The following SLC36A2 variants were observed in gnomAD, a reference collection of about 807,000 sequenced individuals.
The protein encoded by SLC36A2 is proton-coupled amino acid transporter 2.
SLC36A2 carries 39 observed loss-of-function variants against 42.7 expected under a neutral mutation model. That is an observed-to-expected ratio of 0.91 (90% confidence interval 0.71 to 1.19). SLC36A2 has a LOEUF of 1.19. Ranked by LOEUF, SLC36A2 falls within the 50% of genes most tolerant of loss-of-function variation. The pLI is 0.00. For missense variants in SLC36A2, 590 were observed against 613.7 expected, an observed-to-expected ratio of 0.96 and a Z score of 0.41; for synonymous variants, 237 against 240.8, an observed-to-expected ratio of 0.98 and a Z score of 0.15.
rs776374701 is a variant in SLC36A2 at position 151,342,880 on chromosome 5, C to G, written c.440+8G>C. On this transcript the variant is annotated splice_region_variant and intron_variant, in intron 4 of 9. Transcript: ENST00000335244. Reference sequence around the variant, plus strand: ...TACCCCACTGCAGGCAAAGCAAGAACAGGTTACCTTCCCCAGTGAGCGTGA... The same window carrying G: ...TACCCCACTGCAGGCAAAGCAAGAAGAGGTTACCTTCCCCAGTGAGCGTGA... The G allele has an allele frequency of 2.0e-5, 33 of 1,613,430 alleles. No individual in the cohort carries two copies. Among genetic ancestry groups the G allele is most frequent in the Middle Eastern group, 1.6e-4 (1 of 6,084 alleles).
intron 7 of SLC36A2, 81 bp from the exon 8 acceptor site, chr5:151,325,533 C>A: frequency 7.1e-7 from 1 of 1,406,064 alleles, no homozygotes; most frequent in Admixed American, 1.8e-5. Flanking sequence ...TGGATGTCTA[C>A]CCCAAAGAAC....
At chr5:151,336,136 G>T (rs182470924) in intron 5 of SLC36A2, among the ~76,000 whole-genome samples, 1 of 152,132 alleles carries the variant, frequency 6.6e-6, no homozygotes, top group South Asian at 2.1e-4. Context: ...TTTGATTTTG[G>T]TGAGTTCTTT....
At chr5:151,325,042 C>T in intron 8 of SLC36A2, 4 of 549,326 alleles carry the variant, frequency 7.3e-6, no homozygotes, top group Non-Finnish European at 9.9e-6. Context: ...CTTGTGTCCT[C>T]TCTTCTTAAG....
intron 8 of SLC36A2, among the ~76,000 whole-genome samples, 184 bp from the exon 9 acceptor site, chr5:151,322,399 C>A (rs1033040272): frequency 6.6e-6 from 1 of 152,138 alleles, no homozygotes; most frequent in Admixed American, 6.5e-5. Context: ...GAAAATAGTG[C>A]GGTTCTGGAT....
At chr5:151,330,390 G>C (rs540133899) in intron 7 of SLC36A2, among the ~76,000 whole-genome samples, 4 of 152,182 alleles carry the variant, frequency 2.6e-5, no homozygotes, top group African/African-American at 9.6e-5. Flanking sequence ...AAAAAGAAAG[G>C]AAGTCATATT....
rs1024475431 is a variant in SLC36A2 at position 151,333,297 on chromosome 5, G to T, written c.770C>A (p.Pro257Gln). The T allele has an allele frequency of 6.2e-7, 1 of 1,614,052 alleles. No individual in the cohort carries two copies. Among genetic ancestry groups the T allele is most frequent in the Non-Finnish European group, 8.5e-7 (1 of 1,179,948 alleles). The change falls in exon 7 of 10, where the codon CCA (proline) becomes CAA (glutamine). Residue 257 changes from proline (P) to glutamine (Q), a missense_variant. Coordinates refer to ENST00000335244, the MANE Select transcript of SLC36A2 (RefSeq NM_181776.3). Reference sequence around the variant, plus strand: ...GTAGGTCTTCCAGCTTGCTACCAGTGGCAACCGGCTGGGGTCTGGGATTTC... The same window carrying T: ...GTAGGTCTTCCAGCTTGCTACCAGTTGCAACCGGCTGGGGTCTGGGATTTC... Reference protein sequence around the residue: ...TQEIPDPSRLPLVASWKTYPL... With the variant: ...TQEIPDPSRLQLVASWKTYPL...
chr5:151,340,197 AGG>A (rs1364109510), intron 4 of SLC36A2, among the ~76,000 whole-genome samples: 1 of 110,594 alleles, frequency 9.0e-6, no homozygotes, highest in African/African-American at 3.5e-5. Context: ...GAGGTGGAGG[AGG>A]AGGAGAGGAG....
chr5:151,331,816 T>A (rs1424602207), intron 7 of SLC36A2, among the ~76,000 whole-genome samples: 1 of 151,896 alleles, frequency 6.6e-6, no homozygotes, highest in Non-Finnish European at 1.5e-5. Flanking sequence ...GGCAGGTGGA[T>A]CACTTGAGCC....
At chr5:151,333,656 G>T (rs1756061564) in intron 6 of SLC36A2, among the ~76,000 whole-genome samples, 2 of 152,180 alleles carry the variant, frequency 1.3e-5, no homozygotes, top group South Asian at 4.1e-4. Context: ...GAGGTCAGGA[G>T]TTCGAGACCA....
intron 4 of SLC36A2, among the ~76,000 whole-genome samples, chr5:151,342,158 TAG>T (rs1756365511): frequency 6.6e-6 from 1 of 152,278 alleles, no homozygotes; most frequent in Admixed American, 6.5e-5. Context: ...AAAGAACAAA[TAG>T]AGTCTTCGTT....
rs1403728619 is a variant in SLC36A2, at chr5:151,315,347, G to A, written c.*1470C>T. 2.7e-4 allele frequency: 41 copies of A among 152,450 alleles called. No individual in the cohort carries two copies. The highest frequency in any genetic ancestry group is 2.6e-3 in the Admixed American group (40 of 15,284). The allele number at this position is 152,450 out of a possible 1,614,324, so 9.4% of individuals were successfully genotyped here. ...GCCAAGATCAAATTTAAAGGGGAGA[G>A]GCTGGGCGTGGTGGCTCACACTTGT... is the stretch of plus-strand genomic sequence containing the variant. On this transcript the variant is annotated 3_prime_UTR_variant, in exon 10 of 10. Transcript: ENST00000335244.
chr5:151,335,575 G>C (rs771385544), intron 5 of SLC36A2, 28 bp from the exon 6 acceptor site: 39 of 1,521,830 alleles, frequency 2.6e-5, no homozygotes, highest in African/African-American at 6.9e-5. Context: ...GAGGCAAAAG[G>C]GGGAGATGAT....
chr5:151,346,912 G>A (rs745471205), intron 1 of SLC36A2, among the ~76,000 whole-genome samples: 11 of 152,166 alleles, frequency 7.2e-5, no homozygotes, highest in East Asian at 1.9e-4. Context: ...TTTAAGCTCA[G>A]GACTCACCTT....
chr5:151,316,444 A>T lies in SLC36A2; in HGVS notation c.*373T>A. 4.2e-6 allele frequency: 1 copy of T among 236,948 alleles called. No homozygotes were observed. 14.7% of individuals were successfully genotyped at this position (236,948 alleles called of 1,614,324 possible). A position where few individuals can be genotyped will look rare whatever the true frequency, so the allele number is the denominator to read the frequency against. ...CAAAGCAGTGACATAAAGATAATGC[A>T]TATAAAAGAGATCTGGCCAGGCGAG... is the stretch of plus-strand genomic sequence containing the variant. On this transcript the variant is annotated 3_prime_UTR_variant, in exon 10 of 10. Transcript: ENST00000335244.
At chr5:151,339,000 A>G (rs1561660041) in intron 5 of SLC36A2, 60 bp downstream of exon 5, 1 of 1,239,960 alleles carries the variant, frequency 8.1e-7, no homozygotes, top group Non-Finnish European at 1.2e-6. Flanking sequence ...TTGTCAAACA[A>G]CTAGCAGTGG....
rs560083699 is a variant in SLC36A2, at chr5:151,346,306, C to T, written c.164+991G>A. 5.3e-5 allele frequency among the ~76,000 whole-genome samples: 8 copies of T among 152,338 alleles called. No homozygotes were observed. The South Asian group carries it at 1.7e-3, about 32-fold the overall frequency. ...AGCCCTGGGGCGACAGCACAGGCAG[C>T]AGGGCCAGTCACTGTGTCCATCCCT... is the stretch of plus-strand genomic sequence containing the variant. On this transcript the variant is annotated intron_variant, in intron 1 of 9. Transcript: ENST00000335244.
At chr5:151,340,939 T>G (rs2127297846) in intron 4 of SLC36A2, among the ~76,000 whole-genome samples, 1 of 152,304 alleles carries the variant, frequency 6.6e-6, no homozygotes, top group South Asian at 2.1e-4. Context: ...TAATATATAT[T>G]GAATGTAGAT....
At chr5:151,343,442 G>T in intron 3 of SLC36A2, 68 bp downstream of exon 3, 1 of 1,438,506 alleles carries the variant, frequency 7.0e-7, no homozygotes, top group Non-Finnish European at 9.8e-7. Flanking sequence ...TTATGCATAG[G>T]ATGTTTCTGG....
At position 151,325,273 on chromosome 5, in the gene SLC36A2, C is replaced by T; in HGVS notation, c.1010+13G>A. ...TTCCTGAGTCCCCACCACCTGACAG[C>T]CCATGAAGATACCAGCAGTTAGGCA... is the stretch of plus-strand genomic sequence containing the variant. On this transcript the variant is annotated intron_variant, in intron 8 of 9. Transcript: ENST00000335244. 1 of 1,612,040 alleles carries T rather than the reference C, an allele frequency of 6.2e-7. No individual in the cohort carries two copies. The highest frequency in any genetic ancestry group is 8.5e-7 in the Non-Finnish European group (1 of 1,179,132).
Sources: allele counts gnomAD v4.1 joint callset (sites outside exome capture counted in the v4.1 genomes callset), GRCh38; gene constraint gnomAD v4.1.1; transcripts MANE v1.5; gene names NCBI Gene and HGNC (gene_info 2026-07-23, HGNC 2026-07-21).